ADD3: variants seen among roughly 807,000 people sequenced by gnomAD.
ADD3 encodes gamma-adducin.
In ADD3, 25 loss-of-function variants were observed where a neutral mutation model predicts 80.2. That is an observed-to-expected ratio of 0.31 (90% CI 0.23 to 0.44). The LOEUF is 0.44. Ranked by LOEUF, ADD3 falls within the 20% of genes least tolerant of loss-of-function variation. The pLI, the probability that ADD3 is intolerant of heterozygous loss-of-function variation, is 1.00. For synonymous variants in ADD3, 284 were observed against 289.6 expected (o/e 0.98, Z 0.20); for missense variants, 829 against 847.5 (o/e 0.98, Z 0.27).
At chr10:110,012,058 C>T (rs1415039374) in intron 1 of ADD3, among the ~76,000 whole-genome samples, 5 of 152,146 alleles carry the variant, frequency 3.3e-5, no homozygotes, top group Non-Finnish European at 1.5e-5. Context: ...ATTTTTTATT[C>T]TTGCAGTAGC....
chr10:110,065,218 A>G lies in ADD3; in HGVS notation c.-29-35407A>G, dbSNP rs577825690. Among the ~76,000 whole-genome samples the G allele has an allele frequency of 3.5e-4, 54 of 152,242 alleles. No homozygotes were observed. In the South Asian group the frequency reaches 1.0e-2, roughly 28 times the overall value. ...TTTATTTTACTCTTATTCTCCAAAG[A>G]TAGTTTTGTTAGATATACAATTCCT... On this transcript the variant is annotated intron_variant, in intron 1 of 14. Transcript: ENST00000356080.
intron 1 of ADD3, among the ~76,000 whole-genome samples, chr10:110,025,286 A>T (rs1451706631): frequency 6.6e-6 from 1 of 151,612 alleles, no homozygotes; most frequent in Non-Finnish European, 1.5e-5. Flanking sequence ...ATAATCTTTC[A>T]CTCATACTAT....
At chr10:110,018,342 A>G (rs1370693286) in intron 1 of ADD3, among the ~76,000 whole-genome samples, 1 of 151,964 alleles carries the variant, frequency 6.6e-6, no homozygotes, top group African/African-American at 2.4e-5. Flanking sequence ...AGCATGGTCA[A>G]CATGATGAAA....
intron 1 of ADD3, among the ~76,000 whole-genome samples, chr10:110,090,463 C>T (rs950042793): frequency 7.2e-5 from 11 of 152,058 alleles, no homozygotes; most frequent in African/African-American, 9.7e-5. Context: ...TCAGGCAGTC[C>T]GCCTACCTTG....
chr10:110,082,606 A>T (rs1437285844), intron 1 of ADD3, among the ~76,000 whole-genome samples: 1 of 152,202 alleles, frequency 6.6e-6, no homozygotes, highest in African/African-American at 2.4e-5. Context: ...TAGTCTTTAT[A>T]ACCTTTTTCT....
chr10:110,028,156 T>G (rs570461858), intron 1 of ADD3, among the ~76,000 whole-genome samples: 1 of 152,244 alleles, frequency 6.6e-6, no homozygotes, highest in Non-Finnish European at 1.5e-5. Context: ...TGGTACATAG[T>G]AGGTGCTTAG....
chr10:110,046,812 C>G (rs769915948), intron 1 of ADD3, among the ~76,000 whole-genome samples: 8 of 152,088 alleles, frequency 5.3e-5, no homozygotes, highest in Non-Finnish European at 1.2e-4. Flanking sequence ...AGCTGCTAAT[C>G]AAGCACAAAA....
At chr10:110,089,140 A>C (rs780970736) in intron 1 of ADD3, among the ~76,000 whole-genome samples, 1 of 152,200 alleles carries the variant, frequency 6.6e-6, no homozygotes, top group Non-Finnish European at 1.5e-5. Flanking sequence ...TAAAGTATGA[A>C]GTATGTGAGA....
At chr10:110,117,312 A>C in intron 4 of ADD3, 30 bp from the exon 5 acceptor site, 1 of 1,215,698 alleles carries the variant, frequency 8.2e-7, no homozygotes, top group East Asian at 2.3e-5. Context: ...GAACCACTTC[A>C]TAGTAATTCC....
In ADD3 at chr10:110,034,458, TAATAA is replaced by T. The variant is rs899195028; in HGVS notation, c.-30+26169_-30+26173del. Among the ~76,000 whole-genome samples, 260 of 151,642 alleles carry T rather than the reference TAATAA, an allele frequency of 1.7e-3. 4 individuals are homozygous for T. Among genetic ancestry groups the T allele is most frequent in the African/African-American group, 5.5e-3 (229 of 41,530 alleles). ...ATAATTTAAAATTATATTTTTTCAT[TAATAA>T]AATAAAATATAATTATTTTAAATTC... On this transcript the variant is annotated intron_variant, in intron 1 of 14. Transcript: ENST00000356080.
At chr10:110,048,398 C>T (rs896694480) in intron 1 of ADD3, among the ~76,000 whole-genome samples, 1 of 152,198 alleles carries the variant, frequency 6.6e-6, no homozygotes, top group Non-Finnish European at 1.5e-5. Context: ...TCCTTTGGAA[C>T]TGGGTAACAG....
At chr10:110,053,185 C>T (rs1410070414) in intron 1 of ADD3, among the ~76,000 whole-genome samples, 6 of 152,096 alleles carry the variant, frequency 3.9e-5, no homozygotes, top group Non-Finnish European at 8.8e-5. Flanking sequence ...TACCAGTGAT[C>T]TGTCTACATT....
intron 1 of ADD3, among the ~76,000 whole-genome samples, chr10:110,068,194 GCTC>G (rs1844216276): frequency 1.3e-5 from 2 of 151,796 alleles, no homozygotes; most frequent in African/African-American, 4.8e-5. Flanking sequence ...TGGTTTCTTA[GCTC>G]CTCCTTTTCC....
In ADD3 at chr10:110,093,584, G is replaced by A. The variant is rs570958231; in HGVS notation, c.-29-7041G>A. Among the ~76,000 whole-genome samples, 6 of 152,306 alleles carry A rather than the reference G, an allele frequency of 3.9e-5. No individual in the cohort carries two copies. The East Asian group carries it at 7.7e-4, about 20-fold the overall frequency. On this transcript the variant is annotated intron_variant, in intron 1 of 14. Coordinates refer to ENST00000356080, the MANE Select transcript of ADD3 (RefSeq NM_016824.5). ...TCCTATATACTGATCAATAGCCAAC[G>A]TAGTCTCCTTTTCAGATGGACTTGA...
intron 1 of ADD3, among the ~76,000 whole-genome samples, chr10:110,020,034 A>G (rs1389972929): frequency 1.3e-5 from 2 of 152,232 alleles, no homozygotes; most frequent in East Asian, 1.9e-4. Flanking sequence ...AGCAAACTGT[A>G]GAAACATTGT....
At chr10:110,120,687 G>A (rs541459957) in intron 8 of ADD3, among the ~76,000 whole-genome samples, 339 of 152,182 alleles carry the variant, frequency 2.2e-3, no homozygotes, top group African/African-American at 7.5e-3. Context: ...AGCCCGCATC[G>A]CCAAGTCAAT....
At chr10:110,046,659 T>A (rs982683113) in intron 1 of ADD3, among the ~76,000 whole-genome samples, 1 of 152,194 alleles carries the variant, frequency 6.6e-6, no homozygotes, top group African/African-American at 2.4e-5. Flanking sequence ...GGGAAGTTGC[T>A]GAACTTTTCT....
At chr10:110,076,387 AAAATT>A (rs1210054905) in intron 1 of ADD3, among the ~76,000 whole-genome samples, 1 of 152,220 alleles carries the variant, frequency 6.6e-6, no homozygotes, top group Non-Finnish European at 1.5e-5. Flanking sequence ...GGGTGAGTAT[AAAATT>A]TTTTAAAGTA....
At chr10:110,013,093 T>C (rs1589719077) in intron 1 of ADD3, among the ~76,000 whole-genome samples, 1 of 152,060 alleles carries the variant, frequency 6.6e-6, no homozygotes, top group Non-Finnish European at 1.5e-5. Context: ...TTTTTTTGGA[T>C]TTTTAGGTTT....
Sources: allele counts gnomAD v4.1 joint callset (sites outside exome capture counted in the v4.1 genomes callset), GRCh38; gene constraint gnomAD v4.1.1; transcripts MANE v1.5; gene names NCBI Gene and HGNC (gene_info 2026-07-23, HGNC 2026-07-21).